TIAM1: variants seen among roughly 807,000 people sequenced by gnomAD.
The protein encoded by TIAM1 is rho guanine nucleotide exchange factor TIAM1.
Under a neutral mutation model 163.5 loss-of-function variants are expected in TIAM1, and 65 were observed. The observed-to-expected ratio is 0.40, with a 90% CI of 0.33 to 0.49. TIAM1 has a LOEUF of 0.49. Among genes scored for constraint, TIAM1 ranks in the 20% least tolerant of loss-of-function variants. The pLI is 0.77. For synonymous variants in TIAM1, 833 were observed against 810.1 expected (o/e 1.03, Z -0.48); for missense variants, 1,789 against 2,044.7 (o/e 0.87, Z 2.41).
intron 1 of TIAM1, among the ~76,000 whole-genome samples, chr21:31,339,797 A>G (rs2075961721): frequency 1.3e-5 from 2 of 152,204 alleles, no homozygotes; most frequent in Admixed American, 6.5e-5. Flanking sequence ...AAAACTTTCC[A>G]AAAGTGATGA....
intron 2 of TIAM1, among the ~76,000 whole-genome samples, chr21:31,437,505 A>C (rs897213075): frequency 6.6e-6 from 1 of 150,904 alleles, no homozygotes; most frequent in African/African-American, 2.4e-5. Flanking sequence ...CCTGTCTCAA[A>C]AAAAAAAAAA....
At chr21:31,547,191 T>C (rs74942157) in intron 1 of TIAM1, among the ~76,000 whole-genome samples, 5,206 of 152,336 alleles carry the variant, frequency 0.034, 291 homozygotes, top group African/African-American at 0.12. Context: ...GGTCCTGTTT[T>C]AAAGAATGGG....
chr21:31,273,735 A>G (rs2073169067), intron 3 of TIAM1, among the ~76,000 whole-genome samples: 1 of 152,238 alleles, frequency 6.6e-6, no homozygotes, highest in Non-Finnish European at 1.5e-5. Context: ...ATTAGCTCTC[A>G]GGGGTAAGTA....
At chr21:31,430,271 C>CATAT (rs1361217272) in intron 2 of TIAM1, among the ~76,000 whole-genome samples, 8 of 139,196 alleles carry the variant, frequency 5.7e-5, no homozygotes, top group African/African-American at 2.4e-4. Context: ...CACACACACA[C>CATAT]ACATATATAT....
upstream of TIAM1, among the ~76,000 whole-genome samples, chr21:31,347,961 T>C (rs2076176365): frequency 6.6e-6 from 1 of 152,208 alleles, no homozygotes. Flanking sequence ...ATGTGGCATG[T>C]GGAGAAAAGG....
At chr21:31,189,548 A>C (rs149238345) in intron 13 of TIAM1, among the ~76,000 whole-genome samples, 35 of 152,268 alleles carry the variant, frequency 2.3e-4, no homozygotes, top group African/African-American at 7.0e-4. Flanking sequence ...AAGAAACGAT[A>C]ATGGGCATAA....
chr21:31,185,444 T>C (rs1476873611), intron 14 of TIAM1, among the ~76,000 whole-genome samples: 1 of 145,392 alleles, frequency 6.9e-6, no homozygotes, highest in African/African-American at 2.5e-5. Context: ...TATATAATTA[T>C]ATTAACGATT....
intron 1 of TIAM1, among the ~76,000 whole-genome samples, chr21:31,479,455 A>ATGGATG (rs1569368176): frequency 1.5e-5 from 1 of 67,980 alleles, no homozygotes; most frequent in Non-Finnish European, 3.6e-5. Context: ...ATGGATGGAT[A>ATGGATG]GATGGATGGA....
chr21:31,152,716 C>G lies in TIAM1; in HGVS notation c.3286G>C (p.Val1096Leu). 6.2e-7 allele frequency: 1 copy of G among 1,614,152 alleles called. No homozygotes were observed. Among genetic ancestry groups the G allele is most frequent in the South Asian group, 1.1e-5 (1 of 91,064 alleles). ...GNLTEMVEFQ[V>L]EFLKTLEDGV... is the part of the protein sequence containing the mutation. ...TCTTCTAGAGTTTTAAGGAATTCTA[C>G]TTGAAACTCTACCATTTCCGTTAAA... Residue 1096 changes from valine (V) to leucine (L), a missense_variant, in exon 19 of 28, where the codon GTA (valine) becomes CTA (leucine). Val to Leu is a conservative substitution (Grantham distance 32). Coordinates refer to ENST00000541036, the MANE Select transcript of TIAM1 (RefSeq NM_001353694.2).
intron 2 of TIAM1, among the ~76,000 whole-genome samples, chr21:31,401,326 C>T (rs1046921402): frequency 5.3e-5 from 8 of 152,188 alleles, no homozygotes; most frequent in Non-Finnish European, 1.2e-4. Context: ...GACTCCAGCA[C>T]TTCTGTACCT....
chr21:31,158,686 AT>A (rs1271231533), intron 16 of TIAM1, among the ~76,000 whole-genome samples: 6 of 151,930 alleles, frequency 3.9e-5, no homozygotes, highest in Non-Finnish European at 7.4e-5. Flanking sequence ...ACCCCCCCAA[AT>A]TTTTTTTGGA....
chr21:31,129,907 G>A, intron 25 of TIAM1, among the ~76,000 whole-genome samples: 1 of 152,122 alleles, frequency 6.6e-6, no homozygotes, highest in Non-Finnish European at 1.5e-5. Flanking sequence ...TCAGGTGGTA[G>A]TCACTATAGT....
chr21:31,500,181 T>A (rs1569389387), intron 1 of TIAM1, among the ~76,000 whole-genome samples: 1 of 151,736 alleles, frequency 6.6e-6, no homozygotes, highest in Non-Finnish European at 1.5e-5. Flanking sequence ...TAAAATAAAA[T>A]AAATAAAAAC....
At chr21:31,316,486 A>T (rs975130376) in intron 2 of TIAM1, among the ~76,000 whole-genome samples, 6 of 152,220 alleles carry the variant, frequency 3.9e-5, no homozygotes, top group African/African-American at 1.4e-4. Flanking sequence ...TTGAAAGACC[A>T]TTAAAACACT....
Position 31,152,771 on chromosome 21 carries a change from A to G in TIAM1, c.3241-10T>C, listed in dbSNP as rs562315817. Reference sequence around the variant, plus strand: ...CAAAAAGCACGTCAAGCTAGAAATAAAACAGAATTTAATGCACCTCATATC... The same window carrying G: ...CAAAAAGCACGTCAAGCTAGAAATAGAACAGAATTTAATGCACCTCATATC... On this transcript the variant is annotated splice_polypyrimidine_tract_variant and intron_variant, in intron 18 of 27. Transcript: ENST00000541036. 38 of 1,613,662 alleles carry G rather than the reference A, an allele frequency of 2.4e-5. No individual in the cohort carries two copies. In the East Asian group the frequency reaches 7.4e-4, roughly 31 times the overall value.
chr21:31,127,311 A>G (rs760236475), intron 25 of TIAM1, among the ~76,000 whole-genome samples, 159 bp from the exon 26 acceptor site: 18 of 152,260 alleles, frequency 1.2e-4, no homozygotes, highest in Non-Finnish European at 2.2e-4. Context: ...AAAGAGATGA[A>G]GCGACTGAAA....
chr21:31,435,346 TA>T (rs1451512898), intron 2 of TIAM1, among the ~76,000 whole-genome samples: 2 of 152,196 alleles, frequency 1.3e-5, no homozygotes, highest in African/African-American at 2.4e-5. Flanking sequence ...AGAGTAACTT[TA>T]AAGTTACTCT....
intron 2 of TIAM1, among the ~76,000 whole-genome samples, chr21:31,317,436 A>C (rs1488332825): frequency 1.3e-5 from 2 of 151,964 alleles, no homozygotes; most frequent in South Asian, 2.1e-4. Context: ...CTGGGTAACA[A>C]GAGTGAAACT....
chr21:31,293,054 C>T (rs1408065809), intron 2 of TIAM1, among the ~76,000 whole-genome samples: 3 of 152,152 alleles, frequency 2.0e-5, no homozygotes, highest in African/African-American at 7.2e-5. Context: ...GAGCTACTGA[C>T]CTCAAGTGAT....
Sources: gnomAD v4.1 joint callset for allele counts (sites outside exome capture counted in the v4.1 genomes callset) on GRCh38, gnomAD v4.1.1 for gene constraint, MANE v1.5 for transcripts, NCBI Gene and HGNC (gene_info 2026-07-23, HGNC 2026-07-21) for gene names.